Variants in SLC2A13 observed in about 807,000 individuals in gnomAD.
SLC2A13 encodes proton myo-inositol cotransporter.
In SLC2A13, 32 loss-of-function variants were observed where a neutral mutation model predicts 64.4. The observed-to-expected ratio is 0.50, with a 90% CI of 0.37 to 0.67. SLC2A13 has a LOEUF of 0.67. Among genes scored for constraint, SLC2A13 ranks in the 30% least tolerant of loss-of-function variants. The pLI, the probability that SLC2A13 is intolerant of heterozygous loss-of-function variation, is 0.00. For synonymous variants in SLC2A13, 338 were observed against 327.1 expected (o/e 1.03, Z -0.36); for missense variants, 743 against 829.2 (o/e 0.90, Z 1.28).
chr12:39,896,477 T>TC (rs537821288), intron 4 of SLC2A13, among the ~76,000 whole-genome samples: 1 of 143,024 alleles, frequency 7.0e-6, no homozygotes, highest in Non-Finnish European at 1.5e-5. Context: ...CATATATGTA[T>TC]ATGTGTATAT....
At chr12:39,905,909 T>C (rs895198533) in intron 4 of SLC2A13, among the ~76,000 whole-genome samples, 8 of 152,080 alleles carry the variant, frequency 5.3e-5, no homozygotes, top group African/African-American at 1.9e-4. Flanking sequence ...AACACCTCTT[T>C]AGCTGTGACT....
chr12:39,883,391 C>T lies in SLC2A13; in HGVS notation c.1035-11430G>A, dbSNP rs148340325. On this transcript the variant is annotated intron_variant, in intron 4 of 9. Coordinates refer to ENST00000280871, the MANE Select transcript of SLC2A13 (RefSeq NM_052885.4). ...TGGAGAAGAGTACATCAGAAAATGA[C>T]TACATATGACTTGGGAGCTTTTGAT... Among the ~76,000 whole-genome samples, 462 of 152,244 alleles carry T rather than the reference C, an allele frequency of 3.0e-3. 2 individuals carry two copies. Among genetic ancestry groups the T allele is most frequent in the African/African-American group, 0.011 (448 of 41,534 alleles).
chr12:39,977,027 C>A (rs569555823), intron 3 of SLC2A13, among the ~76,000 whole-genome samples: 5 of 152,232 alleles, frequency 3.3e-5, no homozygotes, highest in Non-Finnish European at 4.4e-5. Flanking sequence ...AAACAACATA[C>A]GTACTTTAAG....
In SLC2A13 at chr12:39,856,393, G is replaced by A. The variant is rs771956522; in HGVS notation, c.1319+8369C>T. 3.3e-5 allele frequency among the ~76,000 whole-genome samples: 5 copies of A among 152,032 alleles called. No individual in the cohort carries two copies. In the South Asian group the frequency reaches 6.2e-4, roughly 19 times the overall value. ...TTTATTTTATTTTATTTTTTGAGAC[G>A]GAGTCTCACTCTGTCGCCAGGCTGG... is the stretch of plus-strand genomic sequence containing the variant. On this transcript the variant is annotated intron_variant, in intron 6 of 9. Transcript: ENST00000280871.
At chr12:40,012,034 A>T (rs2136195497) in intron 3 of SLC2A13, among the ~76,000 whole-genome samples, 1 of 152,356 alleles carries the variant, frequency 6.6e-6, no homozygotes, top group Middle Eastern at 3.4e-3. Context: ...TGACAGTCAC[A>T]TAAAGATCTG....
At chr12:39,938,188 A>G (rs886179988) in intron 4 of SLC2A13, among the ~76,000 whole-genome samples, 1 of 152,152 alleles carries the variant, frequency 6.6e-6, no homozygotes, top group African/African-American at 2.4e-5. Context: ...GGCCTCAATC[A>G]TACATGCTTT....
intron 4 of SLC2A13, among the ~76,000 whole-genome samples, chr12:39,934,974 T>C (rs1056983858): frequency 1.3e-5 from 2 of 152,218 alleles, no homozygotes; most frequent in African/African-American, 4.8e-5. Context: ...ACAGGAAGCA[T>C]AATCACAAAT....
chr12:39,772,845 T>C (rs1212396039), intron 7 of SLC2A13, among the ~76,000 whole-genome samples: 1 of 142,098 alleles, frequency 7.0e-6, no homozygotes, highest in East Asian at 2.0e-4. Flanking sequence ...CACGTTTACA[T>C]GTGCAAAAAA....
chr12:40,027,452 C>A (rs151000526), intron 3 of SLC2A13, among the ~76,000 whole-genome samples: 131 of 152,302 alleles, frequency 8.6e-4, no homozygotes, highest in South Asian at 2.1e-3. Flanking sequence ...AACACAGAGA[C>A]CAGCTTCTTC....
chr12:40,084,894 A>G (rs1296260776), intron 1 of SLC2A13, among the ~76,000 whole-genome samples: 1 of 152,218 alleles, frequency 6.6e-6, no homozygotes, highest in Non-Finnish European at 1.5e-5. Context: ...CTTCAGGATA[A>G]GGGTTGGTCA....
At chr12:40,056,081 C>T (rs1428864180) in intron 1 of SLC2A13, among the ~76,000 whole-genome samples, 1 of 150,778 alleles carries the variant, frequency 6.6e-6, no homozygotes, top group African/African-American at 2.4e-5. Context: ...TGGTTTGGCA[C>T]CCTTATAGTA....
At chr12:39,884,614 A>T (rs1223354577) in intron 4 of SLC2A13, among the ~76,000 whole-genome samples, 2 of 152,140 alleles carry the variant, frequency 1.3e-5, no homozygotes, top group Non-Finnish European at 2.9e-5. Context: ...ATATCTGGGG[A>T]CTGTTCAGGG....
intron 4 of SLC2A13, among the ~76,000 whole-genome samples, chr12:39,922,632 C>T (rs187556153): frequency 6.6e-6 from 1 of 152,184 alleles, no homozygotes; most frequent in African/African-American, 2.4e-5. Flanking sequence ...TTTACTTATA[C>T]AATACAATGA....
chr12:39,932,686 T>G (rs1390883594), intron 4 of SLC2A13, among the ~76,000 whole-genome samples: 1 of 152,184 alleles, frequency 6.6e-6, no homozygotes, highest in Admixed American at 6.5e-5. Context: ...TCAAGGCCTA[T>G]CTGAGGTGTG....
intron 4 of SLC2A13, among the ~76,000 whole-genome samples, chr12:39,873,923 G>A (rs1944118757): frequency 6.6e-6 from 1 of 152,212 alleles, no homozygotes; most frequent in Non-Finnish European, 1.5e-5. Context: ...ATAATCACTT[G>A]TACACTGAAT....
intron 4 of SLC2A13, among the ~76,000 whole-genome samples, chr12:39,924,585 T>A (rs140147959): frequency 2.5e-3 from 386 of 152,280 alleles, no homozygotes; most frequent in African/African-American, 9.0e-3. Flanking sequence ...CTACTATTTA[T>A]CTACTATAAA....
intron 3 of SLC2A13, among the ~76,000 whole-genome samples, chr12:40,014,811 T>C (rs1216176538): frequency 1.3e-5 from 2 of 152,220 alleles, no homozygotes. Flanking sequence ...TCTTGAATTA[T>C]CACCTTCATA....
chr12:39,951,471 G>T (rs1252215973), intron 3 of SLC2A13, 106 bp from the exon 4 acceptor site: 1 of 739,368 alleles, frequency 1.4e-6, no homozygotes, highest in Non-Finnish European at 2.1e-6. Flanking sequence ...AAATCAACAT[G>T]ACTGGGCATT....
chr12:39,760,953 A>AACACACACACACACACACACAC (rs71449492), intron 9 of SLC2A13, among the ~76,000 whole-genome samples: 1,518 of 101,574 alleles, frequency 0.015, 91 homozygotes, highest in African/African-American at 0.044. Context: ...GTCTCTACCA[A>AACACACACACACACACACACAC]ACACACACAC....
Sources: allele counts gnomAD v4.1 joint callset (sites outside exome capture counted in the v4.1 genomes callset), GRCh38; gene constraint gnomAD v4.1.1; transcripts MANE v1.5; gene names NCBI Gene and HGNC (gene_info 2026-07-23, HGNC 2026-07-21).